The following TJP2 variants were observed in gnomAD, a reference collection of about 807,000 sequenced individuals.
The protein encoded by TJP2 is Friedreich ataxia region gene X104 (tight junction protein ZO-2).
TJP2 carries 91 observed loss-of-function variants against 133.1 expected under a neutral mutation model. The observed-to-expected ratio is 0.68, with a 90% CI of 0.58 to 0.81. The LOEUF (loss-of-function observed/expected upper bound fraction) is 0.81. Ranked by LOEUF, TJP2 falls within the 40% of genes least tolerant of loss-of-function variation. TJP2 has a pLI of 0.00. For missense variants in TJP2, 1,541 were observed against 1,565.6 expected (o/e 0.98, Z 0.26); for synonymous variants, 592 against 583.4 (o/e 1.01, Z -0.21).
At chr9:69,236,561 C>G (rs192243587) in intron 13 of TJP2, among the ~76,000 whole-genome samples, 98 of 152,224 alleles carry the variant, frequency 6.4e-4, no homozygotes, top group African/African-American at 2.1e-3. Context: ...ACAAGGTACC[C>G]TTGTCCGGTG....
At chr9:69,159,330 A>G (rs893156819) in intron 2 of TJP2, among the ~76,000 whole-genome samples, 1 of 152,180 alleles carries the variant, frequency 6.6e-6, no homozygotes, top group Non-Finnish European at 1.5e-5. Context: ...CCAAAAAAAT[A>G]AAATAGTGAT....
At chr9:69,244,036 T>C (rs545954987) in intron 17 of TJP2, among the ~76,000 whole-genome samples, 144 of 151,700 alleles carry the variant, frequency 9.5e-4, no homozygotes, top group Middle Eastern at 3.4e-3. Context: ...ATAAAAAAAT[T>C]AGCTGGGTGT....
chr9:69,171,381 T>A (rs917431292), upstream of TJP2, among the ~76,000 whole-genome samples: 7 of 152,102 alleles, frequency 4.6e-5, no homozygotes, highest in African/African-American at 1.7e-4. Flanking sequence ...ACTAACATTC[T>A]CCTCCCCCAC....
intron 17 of TJP2, among the ~76,000 whole-genome samples, chr9:69,241,333 T>G (rs1461577727): frequency 6.6e-6 from 1 of 152,206 alleles, no homozygotes; most frequent in African/African-American, 2.4e-5. Context: ...CATTATTTTG[T>G]TGGGGCAACA....
At chr9:69,234,691 G>C (rs1462081382) in intron 12 of TJP2, 144 bp downstream of exon 12, 27 of 596,638 alleles carry the variant, frequency 4.5e-5, no homozygotes, top group Non-Finnish European at 8.0e-5. Context: ...GGCCCTAGGT[G>C]TGTGAAGAAA....
At chr9:69,213,433 G>T (rs1213099234) in intron 2 of TJP2, among the ~76,000 whole-genome samples, 1 of 152,114 alleles carries the variant, frequency 6.6e-6, no homozygotes, top group Non-Finnish European at 1.5e-5. Context: ...TTTCTGCAGG[G>T]TTTCTTCTTC....
chr9:69,142,441 A>T (rs563346653), intron 1 of TJP2, among the ~76,000 whole-genome samples: 4 of 152,180 alleles, frequency 2.6e-5, no homozygotes, highest in African/African-American at 7.2e-5. Flanking sequence ...AAATATGTAA[A>T]GATATTATTT....
chr9:69,173,510 T>C (rs1824805894), upstream of TJP2, among the ~76,000 whole-genome samples: 1 of 152,186 alleles, frequency 6.6e-6, no homozygotes, highest in Non-Finnish European at 1.5e-5. Flanking sequence ...TCAATCTCTT[T>C]ATTGGAGTTG....
At chr9:69,216,607 A>C (rs1828402184) in intron 3 of TJP2, 144 bp downstream of exon 3, 2 of 948,756 alleles carry the variant, frequency 2.1e-6, no homozygotes, top group African/African-American at 3.3e-5. Flanking sequence ...TTCAAGCTGG[A>C]ATGGAAGCCA....
At chr9:69,209,685 C>T (rs1380035756) in intron 1 of TJP2, among the ~76,000 whole-genome samples, 1 of 149,744 alleles carries the variant, frequency 6.7e-6, no homozygotes. Context: ...ACCCAGGAGG[C>T]GGAGGTTGCA....
At chr9:69,215,172 G>T (rs1319424108) in intron 2 of TJP2, among the ~76,000 whole-genome samples, 1 of 152,128 alleles carries the variant, frequency 6.6e-6, no homozygotes, top group Non-Finnish European at 1.5e-5. Context: ...CAAAAGTACG[G>T]AGGGAGGGAG....
At chr9:69,219,401 G>C (rs375382368) in intron 4 of TJP2, among the ~76,000 whole-genome samples, 3 of 152,118 alleles carry the variant, frequency 2.0e-5, no homozygotes, top group African/African-American at 7.2e-5. Context: ...CTTGGTCTCT[G>C]TATGTATATA....
At chr9:69,141,770 G>A (rs978124176) in intron 1 of TJP2, among the ~76,000 whole-genome samples, 5 of 151,984 alleles carry the variant, frequency 3.3e-5, no homozygotes, top group Non-Finnish European at 5.9e-5. Flanking sequence ...TGTATTTTTA[G>A]TACAGACAGA....
upstream of TJP2, chr9:69,174,200 C>G (rs974362066): frequency 7.7e-7 from 1 of 1,293,516 alleles, no homozygotes; most frequent in African/African-American, 1.6e-5. Context: ...GGCGGGCTGA[C>G]GCCGCCGCCG....
At chr9:69,196,367 A>G (rs1398702843) in intron 1 of TJP2, among the ~76,000 whole-genome samples, 1 of 152,228 alleles carries the variant, frequency 6.6e-6, no homozygotes, top group Non-Finnish European at 1.5e-5. Context: ...GATATTGATA[A>G]TAGCTAAAAT....
chr9:69,217,408 G>A (rs1018136466), intron 3 of TJP2, among the ~76,000 whole-genome samples: 1 of 152,170 alleles, frequency 6.6e-6, no homozygotes, highest in Non-Finnish European at 1.5e-5. Flanking sequence ...AGGTTTTGTT[G>A]GTGTTTAAAG....
At chr9:69,197,968 G>A (rs965220084) in intron 1 of TJP2, among the ~76,000 whole-genome samples, 1 of 151,984 alleles carries the variant, frequency 6.6e-6, no homozygotes, top group South Asian at 2.1e-4. Flanking sequence ...TGATGCCATC[G>A]TTTGATGAAG....
At chr9:69,133,938 A>G (rs1822612069) in intron 1 of TJP2, among the ~76,000 whole-genome samples, 1 of 142,524 alleles carries the variant, frequency 7.0e-6, no homozygotes, top group African/African-American at 2.6e-5. Flanking sequence ...TACTCCTATT[A>G]TTAAGACCCA....
intron 1 of TJP2, among the ~76,000 whole-genome samples, chr9:69,132,108 T>C (rs542364473): frequency 6.6e-6 from 1 of 152,342 alleles, no homozygotes; most frequent in East Asian, 1.9e-4. Context: ...ATGTGAAATG[T>C]TATCAACCAG....
Sources: gnomAD v4.1 joint callset for allele counts (sites outside exome capture counted in the v4.1 genomes callset) on GRCh38, gnomAD v4.1.1 for gene constraint, MANE v1.5 for transcripts, NCBI Gene and HGNC (gene_info 2026-07-23, HGNC 2026-07-21) for gene names.